The following PDE1A variants were observed in gnomAD, a reference collection of about 807,000 sequenced individuals.
PDE1A encodes the protein phosphodiesterase 1A, also known as dual specificity calcium/calmodulin-dependent 3',5'-cyclic nucleotide phosphodiesterase 1A.
PDE1A carries 35 observed loss-of-function variants against 61.7 expected under a neutral mutation model. That is an observed-to-expected ratio of 0.57 (90% confidence interval 0.43 to 0.75). The LOEUF (loss-of-function observed/expected upper bound fraction) is 0.75, where lower values mean the gene tolerates loss of function less well. PDE1A is among the 30% of genes least tolerant of loss of function. PDE1A has a pLI of 0.00. For synonymous variants in PDE1A, 232 were observed against 213.2 expected, an observed-to-expected ratio of 1.09 and a Z score of -0.77; for missense variants, 597 against 630.6, an observed-to-expected ratio of 0.95 and a Z score of 0.57.
At chr2:182,465,125 CT>C (rs1269966148) in intron 2 of PDE1A, among the ~76,000 whole-genome samples, 1 of 151,862 alleles carries the variant, frequency 6.6e-6, no homozygotes, top group African/African-American at 2.4e-5. Context: ...ACTGTGATGG[CT>C]AGCGAAAGGA....
chr2:182,205,373 T>TG (rs1223750628), intron 8 of PDE1A, among the ~76,000 whole-genome samples: 1 of 152,050 alleles, frequency 6.6e-6, no homozygotes, highest in Admixed American at 6.6e-5. Context: ...ATAAGAGGGA[T>TG]GGGGGTACAT....
chr2:182,214,558 G>A (rs1387503125), intron 7 of PDE1A, among the ~76,000 whole-genome samples: 2 of 151,630 alleles, frequency 1.3e-5, no homozygotes, highest in Non-Finnish European at 2.9e-5. Context: ...CAAAATAAAA[G>A]GATGGAGGAA....
intron 3 of PDE1A, 73 bp downstream of exon 3, chr2:182,240,037 T>A (rs1574115528): frequency 3.7e-6 from 5 of 1,353,598 alleles, no homozygotes; most frequent in Non-Finnish European, 4.1e-6. Context: ...AGACTGCTCA[T>A]ACCCTTGAAA....
At chr2:182,251,396 C>T (rs370273112) in intron 2 of PDE1A, among the ~76,000 whole-genome samples, 4,481 of 79,568 alleles carry the variant, frequency 0.056, 220 homozygotes, top group African/African-American at 0.25. Context: ...AATGGTCTCT[C>T]TGTTTCTCTT....
At chr2:182,649,235 G>C in the PDE1A span, among the ~76,000 whole-genome samples, 6 of 152,174 alleles carry the variant, frequency 3.9e-5, no homozygotes, top group African/African-American at 1.4e-4. Flanking sequence ...ACTGCCTGGC[G>C]ACAGGGTATG....
chr2:182,245,978 G>A (rs1386822067), intron 2 of PDE1A, among the ~76,000 whole-genome samples: 1 of 152,130 alleles, frequency 6.6e-6, no homozygotes, highest in Non-Finnish European at 1.5e-5. Context: ...CTCTTGCCTG[G>A]CCTCCTGTGC....
At chr2:182,317,226 G>T (rs1195932816) in intron 1 of PDE1A, among the ~76,000 whole-genome samples, 1 of 151,822 alleles carries the variant, frequency 6.6e-6, no homozygotes, top group Non-Finnish European at 1.5e-5. Flanking sequence ...TAAGAAAGCA[G>T]ATGCTCTTGG....
chr2:182,597,347 T>C, the PDE1A span, among the ~76,000 whole-genome samples: 15 of 152,262 alleles, frequency 9.9e-5, no homozygotes, highest in East Asian at 2.7e-3. Flanking sequence ...ATACAGACTA[T>C]GTGGTTGCTA....
intron 1 of PDE1A, among the ~76,000 whole-genome samples, chr2:182,421,388 C>A (rs1239418790): frequency 2.0e-5 from 3 of 152,110 alleles, no homozygotes; most frequent in African/African-American, 7.2e-5. Context: ...TGACTCTATA[C>A]CCAAAATTAT....
At chr2:182,637,094 T>C in the PDE1A span, among the ~76,000 whole-genome samples, 1 of 152,248 alleles carries the variant, frequency 6.6e-6, no homozygotes, top group Non-Finnish European at 1.5e-5. Flanking sequence ...CCCAGGATAA[T>C]CTTCCTATTT....
chr2:182,454,179 G>C (rs1486346373), intron 2 of PDE1A, among the ~76,000 whole-genome samples: 1 of 152,164 alleles, frequency 6.6e-6, no homozygotes, highest in African/African-American at 2.4e-5. Context: ...TTGCTTCGAA[G>C]AGAATAAAAT....
intron 1 of PDE1A, among the ~76,000 whole-genome samples, chr2:182,410,023 G>A (rs1480587699): frequency 2.0e-5 from 3 of 151,952 alleles, no homozygotes; most frequent in Non-Finnish European, 4.4e-5. Flanking sequence ...TCAAAAAATT[G>A]TATAATAAAC....
intron 2 of PDE1A, among the ~76,000 whole-genome samples, chr2:182,464,449 G>C (rs888535399): frequency 6.6e-6 from 1 of 152,070 alleles, no homozygotes; most frequent in African/African-American, 2.4e-5. Flanking sequence ...GGAGAATTCT[G>C]CTTAAACTGA....
At chr2:182,169,906 ACACACACACACACACG>A (rs1352361113) in intron 13 of PDE1A, among the ~76,000 whole-genome samples, 3 of 74,604 alleles carry the variant, frequency 4.0e-5, no homozygotes, top group East Asian at 8.5e-4. Flanking sequence ...ACACACACAC[ACACACACACACACACG>A]CACACACACA....
At chr2:182,170,958 T>C (rs1009011421) in intron 13 of PDE1A, among the ~76,000 whole-genome samples, 6 of 152,020 alleles carry the variant, frequency 3.9e-5, no homozygotes, top group African/African-American at 1.4e-4. Context: ...AAGGCAAATT[T>C]GATCTTTTAA....
chr2:182,242,943 G>GTGTGTGTGTGTGTGTGTGTT (rs71008214), intron 2 of PDE1A, among the ~76,000 whole-genome samples: 10,357 of 137,238 alleles, frequency 0.075, 937 homozygotes, highest in African/African-American at 0.19. Context: ...GTATGTGTGT[G>GTGTGTGTGTGTGTGTGTGTT]TGTGTGTTGT....
At chr2:182,253,908 A>G (rs1438759572) in intron 2 of PDE1A, among the ~76,000 whole-genome samples, 1 of 152,242 alleles carries the variant, frequency 6.6e-6, no homozygotes, top group Non-Finnish European at 1.5e-5. Context: ...TATCTAATTT[A>G]TAGGCATTTT....
chr2:182,375,879 C>A (rs1023855035), intron 1 of PDE1A, among the ~76,000 whole-genome samples: 1 of 152,238 alleles, frequency 6.6e-6, no homozygotes, highest in Non-Finnish European at 1.5e-5. Context: ...AGGCTCAACA[C>A]CATGTGGAGG....
the PDE1A span, among the ~76,000 whole-genome samples, chr2:182,605,184 C>T: frequency 8.3e-3 from 1,268 of 152,226 alleles, 17 homozygotes; most frequent in African/African-American, 0.028. Flanking sequence ...TTAGACCTAC[C>T]GATGACAAGA....
Sources: allele counts gnomAD v4.1 joint callset (sites outside exome capture counted in the v4.1 genomes callset), GRCh38; gene constraint gnomAD v4.1.1; transcripts MANE v1.5; gene names NCBI Gene and HGNC (gene_info 2026-07-23, HGNC 2026-07-21).